SMYD3: variants seen among roughly 807,000 people sequenced by gnomAD.
SMYD3 encodes the protein histone-lysine N-methyltransferase SMYD3.
In SMYD3, 36 loss-of-function variants were observed where a neutral mutation model predicts 57.7. That is an observed-to-expected ratio of 0.62 (90% CI 0.48 to 0.82). The LOEUF (loss-of-function observed/expected upper bound fraction) is 0.82. Among genes scored for constraint, SMYD3 ranks in the 40% least tolerant of loss-of-function variants. The pLI is 0.00. For synonymous variants in SMYD3, 211 were observed against 195.0 expected (o/e 1.08, Z -0.68); for missense variants, 515 against 538.8 (o/e 0.96, Z 0.44).
chr1:246,188,061 A>G (rs112262597), intron 5 of SMYD3, among the ~76,000 whole-genome samples: 2,149 of 152,276 alleles, frequency 0.014, 41 homozygotes, highest in African/African-American at 0.048. Context: ...ATATCGATTT[A>G]TTAATTTACA....
chr1:246,392,514 T>C (rs937533491), intron 1 of SMYD3, among the ~76,000 whole-genome samples: 1 of 152,030 alleles, frequency 6.6e-6, no homozygotes, highest in Admixed American at 6.6e-5. Flanking sequence ...TGGAGTGCAG[T>C]GTGGCTCACT....
intron 1 of SMYD3, among the ~76,000 whole-genome samples, chr1:246,459,921 A>C (rs1432643343): frequency 2.8e-3 from 231 of 82,436 alleles, no homozygotes; most frequent in African/African-American, 0.011. Context: ...CGCCACCCAA[A>C]AAAAAAAAAA....
At chr1:245,762,910 A>T (rs564394501) in intron 11 of SMYD3, among the ~76,000 whole-genome samples, 2 of 152,246 alleles carry the variant, frequency 1.3e-5, no homozygotes, top group African/African-American at 4.8e-5. Flanking sequence ...TAAAGTGTCA[A>T]GCGCTTCCTA....
chr1:246,459,775 A>G (rs1207494062), intron 1 of SMYD3, among the ~76,000 whole-genome samples: 1 of 152,192 alleles, frequency 6.6e-6, no homozygotes, highest in African/African-American at 2.4e-5. Flanking sequence ...TCAAAAGACT[A>G]ATTTATTCTA....
intron 5 of SMYD3, among the ~76,000 whole-genome samples, chr1:246,068,092 G>A (rs2060375990): frequency 6.6e-6 from 1 of 152,130 alleles, no homozygotes; most frequent in Non-Finnish European, 1.5e-5. Context: ...GCAGTTAAGG[G>A]CGGTTGAGTC....
intron 5 of SMYD3, among the ~76,000 whole-genome samples, chr1:246,245,682 T>C (rs1357222174): frequency 6.6e-6 from 1 of 152,200 alleles, no homozygotes; most frequent in African/African-American, 2.4e-5. Flanking sequence ...CTGAAAAATG[T>C]TGTGATTATG....
chr1:246,195,401 GC>G (rs1246146745), intron 5 of SMYD3, among the ~76,000 whole-genome samples: 1 of 152,070 alleles, frequency 6.6e-6, no homozygotes, highest in Non-Finnish European at 1.5e-5. Context: ...GTGGTACGGG[GC>G]CTCTGTGACA....
intron 1 of SMYD3, among the ~76,000 whole-genome samples, chr1:246,478,002 T>C (rs1199560851): frequency 6.6e-6 from 1 of 152,220 alleles, no homozygotes; most frequent in African/African-American, 2.4e-5. Context: ...AATACATATG[T>C]AGATAAGGGC....
chr1:246,018,943 G>A (rs1357383280), intron 5 of SMYD3, among the ~76,000 whole-genome samples: 1 of 152,066 alleles, frequency 6.6e-6, no homozygotes, highest in Non-Finnish European at 1.5e-5. Flanking sequence ...GTGTGTTAAA[G>A]GTATCAATGC....
chr1:245,822,953 C>T (rs1274350350), intron 10 of SMYD3, among the ~76,000 whole-genome samples: 1 of 152,178 alleles, frequency 6.6e-6, no homozygotes, highest in East Asian at 1.9e-4. Context: ...GTCCCCTGCT[C>T]GTGTTCTTGT....
rs71299006 is a variant in SMYD3, at chr1:246,273,135, C to CTTTTTTTTTTTT, written c.531+54054_531+54065dup. Among the ~76,000 whole-genome samples the CTTTTTTTTTTTT allele has an allele frequency of 7.4e-3, 798 of 107,406 alleles. 51 individuals are homozygous for CTTTTTTTTTTTT. The highest frequency in any genetic ancestry group is 0.021 in the African/African-American group (560 of 27,242). The allele number at this position is 107,406 out of a possible 152,430, so 70.5% of individuals were successfully genotyped here. A position where few individuals can be genotyped will look rare whatever the true frequency, so the allele number is the denominator to read the frequency against. ...TGATTCATAATAATGTCCCTGTTTT[C>CTTTTTTTTTTTT]TTTTTTTTTTTTTTTTTCTTTTTTT... On this transcript the variant is annotated intron_variant, in intron 5 of 11. Coordinates refer to ENST00000490107, the MANE Select transcript of SMYD3 (RefSeq NM_001167740.2).
chr1:245,804,032 A>C (rs1329020749), intron 10 of SMYD3, among the ~76,000 whole-genome samples: 5 of 150,898 alleles, frequency 3.3e-5, no homozygotes, highest in Admixed American at 6.6e-5. Context: ...CCTGCCTCAG[A>C]CTTCCAAGCA....
At chr1:245,957,543 T>C (rs1004047038) in intron 5 of SMYD3, among the ~76,000 whole-genome samples, 4 of 152,210 alleles carry the variant, frequency 2.6e-5, no homozygotes, top group African/African-American at 7.2e-5. Flanking sequence ...CTCAACTCTT[T>C]CTTTTCTGAA....
At chr1:246,300,008 A>G (rs2064865330) in intron 5 of SMYD3, among the ~76,000 whole-genome samples, 1 of 151,464 alleles carries the variant, frequency 6.6e-6, no homozygotes, top group African/African-American at 2.4e-5. Context: ...CCCTGAACTT[A>G]AAATTAAAGT....
chr1:246,078,840 T>C (rs2060589561), intron 5 of SMYD3, among the ~76,000 whole-genome samples: 1 of 152,146 alleles, frequency 6.6e-6, no homozygotes, highest in Non-Finnish European at 1.5e-5. Flanking sequence ...GATCTATAGG[T>C]TTCCTCTAAA....
chr1:245,993,627 TAGATAGACAGACAGAC>T (rs1408187023), intron 5 of SMYD3, among the ~76,000 whole-genome samples: 6 of 107,058 alleles, frequency 5.6e-5, no homozygotes, highest in African/African-American at 2.3e-4. Flanking sequence ...GATAGATAGA[TAGATAGACAGACAGAC>T]AGACAGACAG....
At chr1:246,455,359 G>A (rs927349609) in intron 1 of SMYD3, among the ~76,000 whole-genome samples, 3 of 152,168 alleles carry the variant, frequency 2.0e-5, no homozygotes, top group East Asian at 1.9e-4. Context: ...CTCTAAAACC[G>A]TCATGCTATA....
intron 5 of SMYD3, among the ~76,000 whole-genome samples, chr1:245,951,768 CT>C (rs1200556291): frequency 6.6e-6 from 1 of 151,888 alleles, no homozygotes; most frequent in Non-Finnish European, 1.5e-5. Context: ...AGTCACCCTA[CT>C]CTTCATTATT....
chr1:246,450,913 T>G (rs2067623132), intron 1 of SMYD3, among the ~76,000 whole-genome samples: 2 of 152,210 alleles, frequency 1.3e-5, no homozygotes, highest in African/African-American at 4.8e-5. Context: ...GTGACTTAAT[T>G]AAGGTGCCAA....
Sources: allele counts gnomAD v4.1 joint callset (sites outside exome capture counted in the v4.1 genomes callset), GRCh38; gene constraint gnomAD v4.1.1; transcripts MANE v1.5; gene names NCBI Gene and HGNC (gene_info 2026-07-23, HGNC 2026-07-21).